Variants in CRMP1 observed in about 807,000 individuals in gnomAD.
CRMP1 encodes collapsin response mediator protein 1.
In CRMP1, 19 loss-of-function variants were observed where a neutral mutation model predicts 68.3. The ratio of observed to expected loss-of-function variants is 0.28; its 90% CI spans 0.19 to 0.41. The LOEUF is 0.41. CRMP1 is among the 10% of genes least tolerant of loss of function. CRMP1 has a pLI of 1.00. For synonymous variants in CRMP1, 439 were observed against 399.6 expected, an observed-to-expected ratio of 1.10 and a Z score of -1.18; for missense variants, 791 against 967.4, an observed-to-expected ratio of 0.82 and a Z score of 2.42.
At chr4:5,874,671 G>C (rs188077077) in intron 1 of CRMP1, among the ~76,000 whole-genome samples, 8 of 151,910 alleles carry the variant, frequency 5.3e-5, no homozygotes, top group African/African-American at 1.9e-4. Context: ...GAAAGAGAAC[G>C]TTTGAAAAGA....
rs760522550 is a variant in CRMP1, at chr4:5,825,564, G to A, written c.1899C>T (p.Ala633=). ...TPKYATPAPS[A]KSSPSKHQPP... ...GCTGGTGTTTAGAAGGCGAAGATTT[G>A]GCTGAAGGAGCGGGAGTTGCATATT... Residue 633 remains alanine, a synonymous_variant, in exon 13 of 14, where the codon GCC becomes GCT. Transcript: ENST00000324989. This position sits in a 1 kb window ranked among gnomAD's most constrained non-coding sequence, Gnocchi z 4.4. The A allele has an allele frequency of 1.9e-6, 3 of 1,599,278 alleles. No homozygotes were observed. Among genetic ancestry groups the A allele is most frequent in the Non-Finnish European group, 2.6e-6 (3 of 1,175,174 alleles).
Position 5,879,376 on chromosome 4 carries a change from G to T in CRMP1, c.382-12620C>A, listed in dbSNP as rs773613777. ...CTCCTTGGAGTTCCCACAACATGAG[G>T]CTTGCATCTCTGGTCCAGCATTTGT... On this transcript the variant is annotated intron_variant, in intron 1 of 13. Transcript: ENST00000324989. The surrounding 1 kb of genome is among the most constrained non-coding windows in gnomAD (Gnocchi z 4.2). Among the ~76,000 whole-genome samples the T allele has an allele frequency of 5.9e-5, 9 of 152,162 alleles. No individual in the cohort carries two copies. Among genetic ancestry groups the T allele is most frequent in the Non-Finnish European group, 1.3e-4 (9 of 68,040 alleles).
chr4:5,866,331 G>A lies in CRMP1; in HGVS notation c.470+337C>T, dbSNP rs114533123. Among the ~76,000 whole-genome samples, 109 of 152,310 alleles carry A rather than the reference G, an allele frequency of 7.2e-4. No homozygotes were observed. The highest frequency in any genetic ancestry group is 3.4e-3 in the Middle Eastern group (1 of 294). Reference sequence around the variant, plus strand: ...CCGGGCCTTGACCCTAACTCACCCCGTCATATGGGGCCAGGTACCCAGACT... The same window carrying A: ...CCGGGCCTTGACCCTAACTCACCCCATCATATGGGGCCAGGTACCCAGACT... On this transcript the variant is annotated intron_variant, in intron 2 of 13. Transcript: ENST00000324989. This position sits in a 1 kb window ranked among gnomAD's most constrained non-coding sequence, Gnocchi z 5.9.
chr4:5,878,244 G>A (rs913375326), intron 1 of CRMP1, among the ~76,000 whole-genome samples: 15 of 152,000 alleles, frequency 9.9e-5, no homozygotes, highest in Admixed American at 7.9e-4. Flanking sequence ...ACTGCCTCTC[G>A]GTGGTGAGAC....
intron 11 of CRMP1, among the ~76,000 whole-genome samples, chr4:5,832,036 A>T (rs1340602523): frequency 1.3e-5 from 2 of 152,264 alleles, no homozygotes; most frequent in East Asian, 1.9e-4. Flanking sequence ...AGCACGGATG[A>T]TCCTCAAAAA....
rs1560478327 is a variant in CRMP1, at chr4:5,825,868, CACATCT to C, written c.1804-215_1804-210del. 8.9e-6 allele frequency: 5 copies of C among 562,112 alleles called. No homozygotes were observed. The highest frequency in any genetic ancestry group is 3.9e-5 in the African/African-American group (2 of 50,746). 34.8% of individuals were successfully genotyped at this position (562,112 alleles called of 1,614,324 possible). A position where few individuals can be genotyped will look rare whatever the true frequency, so the allele number is the denominator to read the frequency against. ...TCATACACACAAGCATGCATACACA[CACATCT>C]ACATACCCACATGCATACACATACA... On this transcript the variant is annotated intron_variant, in intron 12 of 13. Transcript: ENST00000324989. The surrounding 1 kb of genome is among the most constrained non-coding windows in gnomAD (Gnocchi z 4.4).
At chr4:5,823,142 T>C (rs960302478) in intron 13 of CRMP1, among the ~76,000 whole-genome samples, 18 of 152,310 alleles carry the variant, frequency 1.2e-4, no homozygotes, top group African/African-American at 4.1e-4. Context: ...TTTGGGCAAT[T>C]TGGAGTAAGA....
chr4:5,836,114 G>A (rs770406856), intron 10 of CRMP1, 29 bp from the exon 11 acceptor site: 2 of 1,431,558 alleles, frequency 1.4e-6, no homozygotes, highest in East Asian at 2.7e-5. Flanking sequence ...GATGAGAAGA[G>A]CATCTCATAA....
rs911013302 is a variant in CRMP1 at position 5,877,941 on chromosome 4, C to T, written c.382-11185G>A. Among the ~76,000 whole-genome samples, 8 of 152,182 alleles carry T rather than the reference C, an allele frequency of 5.3e-5. No individual in the cohort carries two copies. Among genetic ancestry groups the T allele is most frequent in the African/African-American group, 1.7e-4 (7 of 41,426 alleles). On this transcript the variant is annotated intron_variant, in intron 1 of 13. Transcript: ENST00000324989. This position sits in a 1 kb window ranked among gnomAD's most constrained non-coding sequence, Gnocchi z 4.3. ...AGACGATGCTAGCTGCATGTGTGAT[C>T]GGTAACTTGACCCATTTCTCTGTGT...
rs1715968099 is a variant in CRMP1 at position 5,891,915 on chromosome 4, C to T, written c.381+674G>A. On this transcript the variant is annotated intron_variant, in intron 1 of 13. Transcript: ENST00000324989. The surrounding 1 kb of genome is among the most constrained non-coding windows in gnomAD (Gnocchi z 5.2). ...ATCCCAGCTCTACCTCCACCTTGCTCTGTGAAGCAGGCACATCGGTGTGTG... is the reference window on the plus strand; with the variant it reads ...ATCCCAGCTCTACCTCCACCTTGCTTTGTGAAGCAGGCACATCGGTGTGTG... Among the ~76,000 whole-genome samples the T allele has an allele frequency of 6.6e-6, 1 of 152,220 alleles. No homozygotes were observed. Among genetic ancestry groups the T allele is most frequent in the South Asian group, 2.1e-4 (1 of 4,836 alleles).
At position 5,884,777 on chromosome 4, in the gene CRMP1, C is replaced by T. The variant is rs549230767; in HGVS notation, c.381+7812G>A. ...TGAAGCTTCATTTTTAATAATACCCCGTCATCATCATGGTGGACACTCTTT... is the reference window on the plus strand; with the variant it reads ...TGAAGCTTCATTTTTAATAATACCCTGTCATCATCATGGTGGACACTCTTT... On this transcript the variant is annotated intron_variant, in intron 1 of 13. Coordinates refer to ENST00000324989, the MANE Select transcript of CRMP1 (RefSeq NM_001014809.3). 5.9e-5 allele frequency among the ~76,000 whole-genome samples: 9 copies of T among 152,062 alleles called. No homozygotes were observed. In the East Asian group the frequency reaches 1.7e-3, roughly 29 times the overall value.
chr4:5,849,317 A>G (rs1712451048), intron 6 of CRMP1, 75 bp downstream of exon 6: 3 of 1,222,978 alleles, frequency 2.5e-6, no homozygotes, highest in South Asian at 1.2e-5. Flanking sequence ...TCACTAACCA[A>G]TGCTCTTTTA....
chr4:5,850,904 T>C lies in CRMP1; in HGVS notation c.882+504A>G, dbSNP rs182177191. ...CTTGGTGCATGTACATAATAATTGT[T>C]TGCTGTTGGCAGGGCCAGAAATGTT... On this transcript the variant is annotated intron_variant, in intron 5 of 13. Transcript: ENST00000324989. This position sits in a 1 kb window ranked among gnomAD's most constrained non-coding sequence, Gnocchi z 4.4. 1.7e-3 allele frequency among the ~76,000 whole-genome samples: 265 copies of C among 152,316 alleles called. 1 individual carries two copies. The highest frequency in any genetic ancestry group is 6.0e-3 in the African/African-American group (248 of 41,572).
chr4:5,893,022 T>A lies in CRMP1; in HGVS notation c.-53A>T. On this transcript the variant is annotated 5_prime_UTR_variant, in exon 1 of 14. Coordinates refer to ENST00000324989, the MANE Select transcript of CRMP1 (RefSeq NM_001014809.3). Reference sequence around the variant, plus strand: ...GCTCCCGCCTGCCCGCCCGCGGCCCTGGGCACCGCCGTGCGCCGCGCTCCG... The same window carrying A: ...GCTCCCGCCTGCCCGCCCGCGGCCCAGGGCACCGCCGTGCGCCGCGCTCCG... 4.6e-6 allele frequency: 5 copies of A among 1,096,120 alleles called. No homozygotes were observed. The highest frequency in any genetic ancestry group is 5.6e-6 in the Non-Finnish European group (5 of 896,798). The allele number at this position is 1,096,120 out of a possible 1,614,324, so 67.9% of individuals were successfully genotyped here.
intron 1 of CRMP1, among the ~76,000 whole-genome samples, chr4:5,868,267 A>AG (rs1714150665): frequency 1.2e-4 from 2 of 16,768 alleles, no homozygotes; most frequent in African/African-American, 3.8e-4. Flanking sequence ...ATATCTATAT[A>AG]TATATATATA....
chr4:5,825,335 C>G lies in CRMP1; in HGVS notation c.1969+159G>C. 3 of 985,308 alleles carry G rather than the reference C, an allele frequency of 3.0e-6. No homozygotes were observed. Among genetic ancestry groups the G allele is most frequent in the Non-Finnish European group, 3.6e-6 (3 of 829,932 alleles). 61.0% of individuals were successfully genotyped at this position (985,308 alleles called of 1,614,324 possible). On this transcript the variant is annotated intron_variant, in intron 13 of 13. Transcript: ENST00000324989. The surrounding 1 kb of genome is among the most constrained non-coding windows in gnomAD (Gnocchi z 4.4). ...TGCTTGGTGACCATGCCAGCCCACT[C>G]TGCCCCACCAGTGAGAGCAGGCTCG...
At chr4:5,827,676 G>GTGCATGCATGTACACATGCACACA (rs1719871282) in intron 12 of CRMP1, among the ~76,000 whole-genome samples, 1 of 151,342 alleles carries the variant, frequency 6.6e-6, no homozygotes, top group Non-Finnish European at 1.5e-5. Flanking sequence ...ACATACACAC[G>GTGCATGCATGTACACATGCACACA]TGCATGCATG....
Position 5,843,460 on chromosome 4 carries a change from C to CCA in CRMP1, c.964-300_964-299insTG, listed in dbSNP as rs1711943361. ...CACGAGCTTCCAAGGCCACCCACCACTCTCTGAATCTCGGAGTCTCCCTGC... is the reference window on the plus strand; with the variant it reads ...CACGAGCTTCCAAGGCCACCCACCACCATCTCTGAATCTCGGAGTCTCCCTGC... On this transcript the variant is annotated intron_variant, in intron 6 of 13. Coordinates refer to ENST00000324989, the MANE Select transcript of CRMP1 (RefSeq NM_001014809.3). This position sits in a 1 kb window ranked among gnomAD's most constrained non-coding sequence, Gnocchi z 4.1. 6.6e-6 allele frequency among the ~76,000 whole-genome samples: 1 copy of CCA among 152,130 alleles called. No individual in the cohort carries two copies.
rs1230061012 is a variant in CRMP1 at position 5,892,114 on chromosome 4, C to T, written c.381+475G>A. On this transcript the variant is annotated intron_variant, in intron 1 of 13. Transcript: ENST00000324989. This position sits in a 1 kb window ranked among gnomAD's most constrained non-coding sequence, Gnocchi z 8.6. Reference sequence around the variant, plus strand: ...TTAAGCTGTGTGGCCGCAGGCGACTCGCGGAACCTCTCCCGGGGCCCGGCA... The same window carrying T: ...TTAAGCTGTGTGGCCGCAGGCGACTTGCGGAACCTCTCCCGGGGCCCGGCA... Among the ~76,000 whole-genome samples, 7 of 152,170 alleles carry T rather than the reference C, an allele frequency of 4.6e-5. No individual in the cohort carries two copies. Among genetic ancestry groups the T allele is most frequent in the Non-Finnish European group, 1.5e-5 (1 of 68,036 alleles).
Sources: gnomAD v4.1 joint callset for allele counts (sites outside exome capture counted in the v4.1 genomes callset) on GRCh38, gnomAD v4.1.1 for gene constraint, Gnocchi (gnomAD v3.1) non-coding constraint, MANE v1.5 for transcripts, NCBI Gene and HGNC (gene_info 2026-07-23, HGNC 2026-07-21) for gene names.